The following FNDC3B variants were observed in gnomAD, a reference collection of about 807,000 sequenced individuals.
FNDC3B encodes the protein fibronectin type III domain containing 3B, also known as fibronectin type III domain-containing protein 3B.
FNDC3B carries 12 observed loss-of-function variants against 151.5 expected under a neutral mutation model. The observed-to-expected ratio is 0.08, with a 90% confidence interval of 0.05 to 0.13. FNDC3B has a LOEUF of 0.13. Ranked by LOEUF, FNDC3B falls within the 10% of genes least tolerant of loss-of-function variation. The pLI, the probability that FNDC3B is intolerant of heterozygous loss-of-function variation, is 1.00. For synonymous variants in FNDC3B, 528 were observed against 549.0 expected (o/e 0.96, Z 0.54); for missense variants, 1,214 against 1,505.3 (o/e 0.81, Z 3.20).
At chr3:172,057,459 C>G (rs764571741) in intron 1 of FNDC3B, among the ~76,000 whole-genome samples, 3 of 152,208 alleles carry the variant, frequency 2.0e-5, no homozygotes. Context: ...AAGAGTTTCT[C>G]TGCTTTAGAG....
chr3:172,229,509 C>T (rs1389540371), intron 4 of FNDC3B, among the ~76,000 whole-genome samples: 1 of 152,128 alleles, frequency 6.6e-6, no homozygotes, highest in Non-Finnish European at 1.5e-5. Flanking sequence ...TTTTGGTGCC[C>T]CTCCTCAATG....
At chr3:172,246,021 C>T (rs1041068066) in intron 4 of FNDC3B, among the ~76,000 whole-genome samples, 13 of 152,122 alleles carry the variant, frequency 8.5e-5, no homozygotes, top group African/African-American at 3.1e-4. Context: ...ACTTGCCAAT[C>T]TGTCTTAAGC....
At chr3:172,182,939 G>A (rs934249268) in intron 3 of FNDC3B, among the ~76,000 whole-genome samples, 1 of 152,240 alleles carries the variant, frequency 6.6e-6, no homozygotes, top group Admixed American at 6.5e-5. Context: ...TAGCAGCAGA[G>A]AAATTACGGA....
chr3:172,234,369 G>A (rs1480716291), intron 4 of FNDC3B, among the ~76,000 whole-genome samples: 1 of 152,192 alleles, frequency 6.6e-6, no homozygotes, highest in African/African-American at 2.4e-5. Flanking sequence ...TCCTTGAAAG[G>A]TACCCAGCAC....
At chr3:172,362,334 A>G (rs192169766) in intron 22 of FNDC3B, among the ~76,000 whole-genome samples, 2 of 152,282 alleles carry the variant, frequency 1.3e-5, no homozygotes, top group Admixed American at 1.3e-4. Context: ...ACAAAATATA[A>G]AAGCGTATCT....
rs560363806 is a variant in FNDC3B at position 172,313,276 on chromosome 3, G to A, written c.1254+2395G>A. 1.6e-3 allele frequency among the ~76,000 whole-genome samples: 246 copies of A among 152,326 alleles called. 1 individual carries two copies. The highest frequency in any genetic ancestry group is 5.9e-3 in the African/African-American group (244 of 41,566). On this transcript the variant is annotated intron_variant, in intron 11 of 25. Coordinates refer to ENST00000415807, the MANE Select transcript of FNDC3B (RefSeq NM_022763.4). ...ACTCCCTTGCCTTTGGGTGCAACGA[G>A]CTTCCTGGCAGGAGAGGATAATTGA... is the stretch of plus-strand genomic sequence containing the variant.
At chr3:172,070,276 TGAGA>T (rs2108485640) in intron 1 of FNDC3B, among the ~76,000 whole-genome samples, 1 of 149,960 alleles carries the variant, frequency 6.7e-6, no homozygotes, top group East Asian at 2.0e-4. Context: ...GGTGCTAAAC[TGAGA>T]TCTGTCAATA....
intron 1 of FNDC3B, among the ~76,000 whole-genome samples, chr3:172,106,157 T>C (rs536241913): frequency 6.6e-6 from 1 of 152,370 alleles, no homozygotes; most frequent in South Asian, 2.1e-4. Flanking sequence ...TTACTTGTTA[T>C]GTTACTCCAT....
At chr3:172,204,569 C>G (rs1464668386) in intron 3 of FNDC3B, among the ~76,000 whole-genome samples, 6 of 152,138 alleles carry the variant, frequency 3.9e-5, no homozygotes, top group African/African-American at 1.4e-4. Context: ...TGGATAATCC[C>G]TTAAGAAAAG....
intron 6 of FNDC3B, among the ~76,000 whole-genome samples, chr3:172,259,740 T>C (rs1370980029): frequency 1.3e-5 from 2 of 152,222 alleles, no homozygotes; most frequent in African/African-American, 4.8e-5. Flanking sequence ...ACATCACTTA[T>C]CCTATCTTTT....
At chr3:172,337,652 T>C in intron 16 of FNDC3B, 2 of 440,138 alleles carry the variant, frequency 4.5e-6, no homozygotes, top group Non-Finnish European at 8.1e-6. Context: ...GTGTTTTGTT[T>C]TGTTTATCTT....
intron 23 of FNDC3B, among the ~76,000 whole-genome samples, chr3:172,373,123 G>C (rs1304150755): frequency 6.6e-6 from 1 of 152,174 alleles, no homozygotes; most frequent in African/African-American, 2.4e-5. Context: ...TCCTCGTGGA[G>C]TGCATCCCTA....
intron 22 of FNDC3B, among the ~76,000 whole-genome samples, chr3:172,356,425 C>A (rs1734100280): frequency 6.6e-6 from 1 of 152,150 alleles, no homozygotes; most frequent in Non-Finnish European, 1.5e-5. Context: ...AATAAATAAT[C>A]AGAAAATCTG....
intron 3 of FNDC3B, among the ~76,000 whole-genome samples, chr3:172,189,842 T>G (rs570283113): frequency 6.6e-6 from 1 of 150,550 alleles, no homozygotes; most frequent in East Asian, 2.0e-4. Context: ...ATCATGTCAT[T>G]CAGTCATGTT....
chr3:172,272,098 A>G (rs971159541), intron 6 of FNDC3B, among the ~76,000 whole-genome samples: 2 of 152,222 alleles, frequency 1.3e-5, no homozygotes, highest in African/African-American at 4.8e-5. Context: ...TAAACTAAAA[A>G]TATGGAGAGA....
intron 3 of FNDC3B, among the ~76,000 whole-genome samples, chr3:172,213,847 G>A (rs912298796): frequency 6.6e-6 from 1 of 152,114 alleles, no homozygotes; most frequent in Non-Finnish European, 1.5e-5. Flanking sequence ...GACCTTTCTG[G>A]TAGCCTGTTA....
chr3:172,050,446 C>T (rs190696768), intron 1 of FNDC3B, among the ~76,000 whole-genome samples: 9 of 151,742 alleles, frequency 5.9e-5, no homozygotes, highest in Admixed American at 3.9e-4. Context: ...TGCAGTGGCA[C>T]GATCTTGGCT....
intron 22 of FNDC3B, among the ~76,000 whole-genome samples, chr3:172,357,293 GA>G (rs1734143109): frequency 6.6e-6 from 1 of 152,170 alleles, no homozygotes; most frequent in African/African-American, 2.4e-5. Context: ...AATTGGAAAG[GA>G]AAATGCTACT....
intron 7 of FNDC3B, among the ~76,000 whole-genome samples, chr3:172,288,845 C>T (rs1730163291): frequency 6.6e-6 from 1 of 152,158 alleles, no homozygotes; most frequent in South Asian, 2.1e-4. Context: ...GCTAACCACC[C>T]TGCATGTCTG....
Sources: allele counts gnomAD v4.1 joint callset (sites outside exome capture counted in the v4.1 genomes callset), GRCh38; gene constraint gnomAD v4.1.1; transcripts MANE v1.5; gene names NCBI Gene and HGNC (gene_info 2026-07-23, HGNC 2026-07-21).